Variants in ABAT observed in about 807,000 individuals in gnomAD.
ABAT encodes the protein 4-aminobutyrate aminotransferase, also known as 4-aminobutyrate aminotransferase, mitochondrial.
A neutral mutation model predicts 64.6 loss-of-function variants in ABAT; 45 were observed. The ratio of observed to expected loss-of-function variants is 0.70; its 90% CI spans 0.55 to 0.89. The LOEUF (loss-of-function observed/expected upper bound fraction) is 0.89, where lower values mean the gene tolerates loss of function less well. Among genes scored for constraint, ABAT ranks in the 40% least tolerant of loss-of-function variants. The pLI is 0.00. For synonymous variants in ABAT, 297 were observed against 250.5 expected, an observed-to-expected ratio of 1.19 and a Z score of -1.75; for missense variants, 633 against 658.4, an observed-to-expected ratio of 0.96 and a Z score of 0.42.
intron 1 of ABAT, among the ~76,000 whole-genome samples, chr16:8,719,781 GA>G (rs1466319740): frequency 6.6e-6 from 1 of 152,004 alleles, no homozygotes; most frequent in African/African-American, 2.4e-5. Flanking sequence ...GAAGGAGAAG[GA>G]AAAAAAGAAG....
intron 6 of ABAT, among the ~76,000 whole-genome samples, chr16:8,760,749 A>G (rs1462807474): frequency 6.6e-6 from 1 of 152,242 alleles, no homozygotes; most frequent in Non-Finnish European, 1.5e-5. Context: ...CTCCAGAGGC[A>G]GAAGCGTCCT....
chr16:8,710,727 A>AGGGAGG (rs3069301), intron 1 of ABAT, among the ~76,000 whole-genome samples: 2,580 of 103,542 alleles, frequency 0.025, 124 homozygotes, highest in Non-Finnish European at 0.031. Context: ...AGAGAGAGAG[A>AGGGAGG]GAGGAAATAG....
rs551033798 is a variant in ABAT at position 8,725,724 on chromosome 16, T to C, written c.-41-9975T>C. ...TCAGTTCTTTGGGTTGATGCAAAGG[T>C]CATTTCCTTTTGCACCAACCTAGTA... On this transcript the variant is annotated intron_variant, in intron 1 of 15. Transcript: ENST00000268251. Among the ~76,000 whole-genome samples the C allele has an allele frequency of 4.4e-4, 67 of 152,304 alleles. 1 individual carries two copies. In the South Asian group the frequency reaches 0.013, roughly 30 times the overall value.
intron 1 of ABAT, among the ~76,000 whole-genome samples, chr16:8,724,015 A>G (rs1404173736): frequency 6.6e-6 from 1 of 150,946 alleles, no homozygotes; most frequent in Non-Finnish European, 1.5e-5. Context: ...TAATTTTTAT[A>G]TTTTTAGTAG....
intron 1 of ABAT, among the ~76,000 whole-genome samples, chr16:8,730,707 C>T (rs1411661726): frequency 6.6e-6 from 1 of 152,062 alleles, no homozygotes; most frequent in East Asian, 1.9e-4. Flanking sequence ...GCAGCCCAAG[C>T]CAGGGCTGCA....
intron 1 of ABAT, among the ~76,000 whole-genome samples, chr16:8,725,019 C>T (rs188339341): frequency 1.3e-5 from 2 of 151,798 alleles, no homozygotes; most frequent in East Asian, 1.9e-4. Context: ...CGGGTCCAAG[C>T]GATTCTCCCG....
At chr16:8,749,926 GC>G (rs1258864384) in intron 4 of ABAT, among the ~76,000 whole-genome samples, 2 of 151,872 alleles carry the variant, frequency 1.3e-5, no homozygotes, top group African/African-American at 4.8e-5. Flanking sequence ...TGTTGCCCAC[GC>G]TGGTCTTGAT....
intron 1 of ABAT, among the ~76,000 whole-genome samples, chr16:8,691,593 C>T (rs143154309): frequency 3.8e-4 from 58 of 152,302 alleles, no homozygotes; most frequent in African/African-American, 1.4e-3. Flanking sequence ...TCGTGCACCA[C>T]CACACTCGGC....
chr16:8,771,844 C>T lies in ABAT; in HGVS notation c.817-936C>T, dbSNP rs113319585. On this transcript the variant is annotated intron_variant, in intron 11 of 15. Coordinates refer to ENST00000268251, the MANE Select transcript of ABAT (RefSeq NM_020686.6). ...GCAGTGGTGTGGTCATAGCTCACTG[C>T]GATCTCACAGTCCTGGTTCAAGGGG... Among the ~76,000 whole-genome samples, 1,203 of 152,142 alleles carry T rather than the reference C, an allele frequency of 7.9e-3. 14 individuals carry two copies. Among genetic ancestry groups the T allele is most frequent in the African/African-American group, 0.028 (1,155 of 41,480 alleles).
chr16:8,689,873 C>A (rs577768982), intron 1 of ABAT, among the ~76,000 whole-genome samples: 1 of 152,268 alleles, frequency 6.6e-6, no homozygotes, highest in Admixed American at 6.5e-5. Context: ...GTGCTATGCA[C>A]AGAAATTGGA....
chr16:8,734,758 A>G (rs985757369), intron 1 of ABAT, among the ~76,000 whole-genome samples: 3 of 152,158 alleles, frequency 2.0e-5, no homozygotes, highest in Non-Finnish European at 4.4e-5. Context: ...ACACATACCA[A>G]TTAACAAAAC....
At chr16:8,738,488 A>T (rs1456763824) in intron 2 of ABAT, 4 of 455,412 alleles carry the variant, frequency 8.8e-6, no homozygotes, top group South Asian at 3.1e-5. Flanking sequence ...CTCATCTTCC[A>T]TGGCCTCCTC....
Position 8,764,200 on chromosome 16 carries a change from G to A in ABAT, c.447+51G>A, listed in dbSNP as rs112670112. On this transcript the variant is annotated intron_variant, in intron 7 of 15. Transcript: ENST00000268251. This position sits in a 1 kb window ranked among gnomAD's most constrained non-coding sequence, Gnocchi z 4.2. ...TGTCTTCAGACGTGGTACTGGCAGGGGAAGGGAAAAGTGGAGACGCCAACA... is the reference window on the plus strand; with the variant it reads ...TGTCTTCAGACGTGGTACTGGCAGGAGAAGGGAAAAGTGGAGACGCCAACA... The A allele has an allele frequency of 1.3e-6, 2 of 1,507,378 alleles. No individual in the cohort carries two copies. The highest frequency in any genetic ancestry group is 1.8e-6 in the Non-Finnish European group (2 of 1,085,556). The allele number at this position is 1,507,378 out of a possible 1,614,324, so 93.4% of individuals were successfully genotyped here. A position where few individuals can be genotyped will look rare whatever the true frequency, so the allele number is the denominator to read the frequency against.
chr16:8,743,528 A>G (rs1359425994), intron 2 of ABAT, among the ~76,000 whole-genome samples: 1 of 141,416 alleles, frequency 7.1e-6, no homozygotes, highest in Non-Finnish European at 1.5e-5. Context: ...AGTATATAAT[A>G]TGTATTTTAG....
chr16:8,750,270 A>G, intron 4 of ABAT, 152 bp from the exon 5 acceptor site: 4 of 740,238 alleles, frequency 5.4e-6, no homozygotes, highest in Non-Finnish European at 9.7e-6. Flanking sequence ...CACTTAGCCA[A>G]AACAAGAAAT....
intron 1 of ABAT, among the ~76,000 whole-genome samples, chr16:8,727,254 A>G (rs987758686): frequency 6.6e-6 from 1 of 152,172 alleles, no homozygotes; most frequent in South Asian, 2.1e-4. Context: ...GGGCCCTATC[A>G]ATCAAGATCA....
intron 1 of ABAT, among the ~76,000 whole-genome samples, chr16:8,708,424 T>C (rs763730113): frequency 1.3e-4 from 20 of 152,000 alleles, no homozygotes; most frequent in Non-Finnish European, 2.6e-4. Flanking sequence ...TTTTTTTATT[T>C]TCTGTAGAGA....
At chr16:8,767,498 T>C (rs2142961617) in intron 9 of ABAT, among the ~76,000 whole-genome samples, 1 of 152,178 alleles carries the variant, frequency 6.6e-6, no homozygotes, top group South Asian at 2.1e-4. Flanking sequence ...GGGGAGGAAG[T>C]TGAAGAGCCT....
At chr16:8,735,079 G>C (rs2058875247) in intron 1 of ABAT, among the ~76,000 whole-genome samples, 1 of 149,614 alleles carries the variant, frequency 6.7e-6, no homozygotes, top group Admixed American at 6.7e-5. Context: ...GGTAGCACAT[G>C]CCTGTAGTCC....
Sources: allele counts gnomAD v4.1 joint callset (sites outside exome capture counted in the v4.1 genomes callset), GRCh38; gene constraint gnomAD v4.1.1; non-coding constraint Gnocchi (gnomAD v3.1); transcripts MANE v1.5; gene names NCBI Gene and HGNC (gene_info 2026-07-23, HGNC 2026-07-21).